Variants in COL23A1 observed in about 807,000 individuals in gnomAD.
The protein encoded by COL23A1 is collagen alpha-1(XXIII) chain.
A neutral mutation model predicts 99.3 loss-of-function variants in COL23A1; 97 were observed. That is an observed-to-expected ratio of 0.98 (90% CI 0.83 to 1.16). The LOEUF (loss-of-function observed/expected upper bound fraction) is 1.16. COL23A1 is among the 50% of genes most tolerant of loss of function. The pLI, the probability that COL23A1 is intolerant of heterozygous loss-of-function variation, is 0.00. For synonymous variants in COL23A1, 320 were observed against 308.2 expected, an observed-to-expected ratio of 1.04 and a Z score of -0.40; for missense variants, 762 against 757.4, an observed-to-expected ratio of 1.01 and a Z score of -0.07.
chr5:178,238,956 C>T (rs758442875), intron 28 of COL23A1, among the ~76,000 whole-genome samples, 185 bp downstream of exon 28: 11 of 152,222 alleles, frequency 7.2e-5, no homozygotes, highest in Non-Finnish European at 1.5e-4. Flanking sequence ...AGCCCCACGC[C>T]TCACATGCAA....
chr5:178,268,563 T>C (rs1014021264), intron 7 of COL23A1, among the ~76,000 whole-genome samples, 167 bp downstream of exon 7: 15 of 152,150 alleles, frequency 9.9e-5, no homozygotes, highest in African/African-American at 3.4e-4. Context: ...AGCCTTGTAA[T>C]CATTTTAGAA....
intron 2 of COL23A1, among the ~76,000 whole-genome samples, chr5:178,469,145 A>G (rs1046978871): frequency 6.6e-6 from 1 of 152,234 alleles, no homozygotes; most frequent in African/African-American, 2.4e-5. Flanking sequence ...GTGTCTATCC[A>G]TTCTGATAAA....
At chr5:178,355,401 C>G (rs1482893759) in intron 2 of COL23A1, among the ~76,000 whole-genome samples, 2 of 152,168 alleles carry the variant, frequency 1.3e-5, no homozygotes, top group African/African-American at 2.4e-5. Context: ...CAACGCTATA[C>G]AGATATGGAA....
At chr5:178,450,558 C>T (rs1767431718) in intron 2 of COL23A1, among the ~76,000 whole-genome samples, 1 of 152,216 alleles carries the variant, frequency 6.6e-6, no homozygotes, top group African/African-American at 2.4e-5. Flanking sequence ...ACACCGGTGT[C>T]TGTGCTGTTA....
At chr5:178,463,105 A>AT (rs1313677623) in intron 2 of COL23A1, among the ~76,000 whole-genome samples, 4 of 152,192 alleles carry the variant, frequency 2.6e-5, no homozygotes, top group East Asian at 1.9e-4. Context: ...AAAGGGAACT[A>AT]TTTTTTTAAG....
intron 9 of COL23A1, 97 bp downstream of exon 9, chr5:178,263,111 T>C: frequency 1.1e-6 from 1 of 884,006 alleles, no homozygotes; most frequent in Non-Finnish European, 1.9e-6. Context: ...GTGTGGGGTC[T>C]GCACTAGAGA....
chr5:178,274,015 A>G (rs1756445071), intron 5 of COL23A1, among the ~76,000 whole-genome samples: 1 of 152,232 alleles, frequency 6.6e-6, no homozygotes, highest in Non-Finnish European at 1.5e-5. Context: ...GGTGTCCCAC[A>G]GCACACTGCC....
intron 2 of COL23A1, among the ~76,000 whole-genome samples, chr5:178,476,162 A>G (rs1042629205): frequency 6.6e-6 from 1 of 152,204 alleles, no homozygotes; most frequent in Admixed American, 6.5e-5. Context: ...GTGTAAGAAC[A>G]TGTCAACCTT....
rs182761375 is a variant in COL23A1, at chr5:178,507,262, C to T, written c.361+53420G>A. ...GTCCCTCCTCATTGCCTCTTACAGC[C>T]CCACACAACACCACAGAGTGGGCGG... On this transcript the variant is annotated intron_variant, in intron 2 of 28. Transcript: ENST00000390654. Among the ~76,000 whole-genome samples, 355 of 152,274 alleles carry T rather than the reference C, an allele frequency of 2.3e-3. 4 individuals carry two copies. The highest frequency in any genetic ancestry group is 8.0e-3 in the African/African-American group (332 of 41,536).
Position 178,267,309 on chromosome 5 carries a change from G to C in COL23A1, c.520C>G (p.Arg174Gly). 7 of 1,613,792 alleles carry C rather than the reference G, an allele frequency of 4.3e-6. No homozygotes were observed. Among genetic ancestry groups the C allele is most frequent in the South Asian group, 1.1e-5 (1 of 91,036 alleles). The change falls in exon 8 of 29, where the codon CGG becomes GGG. Residue 174 changes from arginine to glycine, a missense_variant and splice_region_variant. Arg to Gly is a moderately radical substitution (Grantham distance 125). Coordinates refer to ENST00000390654, the MANE Select transcript of COL23A1 (RefSeq NM_173465.4). ...GGGAGGTCATGCCTGGTTCTTACCCGGGGGCCAAAGTCTCCTGGTGCACCC... is the reference window on the plus strand; with the variant it reads ...GGGAGGTCATGCCTGGTTCTTACCCCGGGGCCAAAGTCTCCTGGTGCACCC... ...EKGAPGDFGP[R>G]GDQGQDGAAG...
intron 2 of COL23A1, among the ~76,000 whole-genome samples, chr5:178,532,896 G>C (rs1020242416): frequency 6.6e-6 from 1 of 152,118 alleles, no homozygotes. Flanking sequence ...GCCAGAACCC[G>C]ACCACGCTGG....
intron 19 of COL23A1, 94 bp downstream of exon 19, chr5:178,249,023 T>A: frequency 1.6e-6 from 2 of 1,283,266 alleles, no homozygotes; most frequent in Non-Finnish European, 2.2e-6. Context: ...GCTGTCAGGG[T>A]CACGCCCTGG....
intron 1 of COL23A1, chr5:178,562,699 T>C (rs1053092853): frequency 6.9e-6 from 1 of 144,738 alleles, no homozygotes. Context: ...TCCCACAAGG[T>C]GAGGGACCCA....
intron 5 of COL23A1, among the ~76,000 whole-genome samples, chr5:178,279,577 G>A (rs897183216): frequency 6.6e-6 from 1 of 152,224 alleles, no homozygotes; most frequent in Non-Finnish European, 1.5e-5. Context: ...TTCCAGCCCA[G>A]GGAGGGCTCT....
At chr5:178,358,423 G>T (rs900433501) in intron 2 of COL23A1, among the ~76,000 whole-genome samples, 1 of 146,228 alleles carries the variant, frequency 6.8e-6, no homozygotes, top group African/African-American at 2.6e-5. Flanking sequence ...GTGTATGTGT[G>T]TGTATGTGTA....
At chr5:178,498,202 T>TTAAA (rs1241022217) in intron 2 of COL23A1, among the ~76,000 whole-genome samples, 5 of 60,972 alleles carry the variant, frequency 8.2e-5, no homozygotes, top group Admixed American at 7.1e-4. Context: ...CTGTCTTTAT[T>TTAAA]TAAATATATA....
rs143651525 is a variant in COL23A1, at chr5:178,371,083, T to C, written c.362-64164A>G. On this transcript the variant is annotated intron_variant, in intron 2 of 28. Transcript: ENST00000390654. ...CATGAGCTAATGGATGTTCATGAGG[T>C]TGACGTCTCTCTCTGCCATGTAGAC... 5.4e-3 allele frequency among the ~76,000 whole-genome samples: 823 copies of C among 152,352 alleles called. 9 individuals are homozygous for C. The highest frequency in any genetic ancestry group is 0.019 in the African/African-American group (773 of 41,568).
intron 18 of COL23A1, among the ~76,000 whole-genome samples, chr5:178,249,714 A>ACTCTCTCTCT (rs1554125211): frequency 8.6e-6 from 1 of 116,220 alleles, no homozygotes; most frequent in African/African-American, 3.3e-5. Flanking sequence ...ACACACACAC[A>ACTCTCTCTCT]CACTCTCTCT....
intron 2 of COL23A1, among the ~76,000 whole-genome samples, chr5:178,353,643 A>C (rs1761457064): frequency 6.6e-6 from 1 of 152,208 alleles, no homozygotes; most frequent in South Asian, 2.1e-4. Flanking sequence ...CTTAGGATAA[A>C]GTAGTAACAT....
Sources: gnomAD v4.1 joint callset for allele counts (sites outside exome capture counted in the v4.1 genomes callset) on GRCh38, gnomAD v4.1.1 for gene constraint, MANE v1.5 for transcripts, NCBI Gene and HGNC (gene_info 2026-07-23, HGNC 2026-07-21) for gene names.